Variants in BMP6 observed in about 807,000 individuals in gnomAD.
BMP6 encodes bone morphogenetic protein 6.
BMP6 carries 17 observed loss-of-function variants against 54.1 expected under a neutral mutation model. The ratio of observed to expected loss-of-function variants is 0.31; its 90% confidence interval spans 0.22 to 0.47. The LOEUF (loss-of-function observed/expected upper bound fraction) is 0.47. BMP6 is among the 20% of genes least tolerant of loss of function. The pLI is 1.00. For synonymous variants in BMP6, 328 were observed against 291.2 expected, an observed-to-expected ratio of 1.13 and a Z score of -1.28; for missense variants, 720 against 690.4, an observed-to-expected ratio of 1.04 and a Z score of -0.48.
At chr6:7,754,721 G>GTTGT (rs369430713) in intron 1 of BMP6, among the ~76,000 whole-genome samples, 2 of 151,998 alleles carry the variant, frequency 1.3e-5, no homozygotes, top group Non-Finnish European at 2.9e-5. Flanking sequence ...TTTTGTTGTT[G>GTTGT]TTGTTTGTTT....
intron 1 of BMP6, among the ~76,000 whole-genome samples, chr6:7,790,998 C>T (rs1449870792): frequency 6.6e-6 from 1 of 151,868 alleles, no homozygotes; most frequent in African/African-American, 2.4e-5. Flanking sequence ...AGAAACCTCC[C>T]TTGGCCCCTT....
chr6:7,792,146 G>T (rs1341449306), intron 1 of BMP6, among the ~76,000 whole-genome samples: 1 of 152,188 alleles, frequency 6.6e-6, no homozygotes, highest in African/African-American at 2.4e-5. Context: ...CAGGCGGGAG[G>T]TGATGCCAAA....
chr6:7,855,553 CTTTT>C (rs778898901), intron 2 of BMP6, among the ~76,000 whole-genome samples: 32 of 105,038 alleles, frequency 3.0e-4, no homozygotes, highest in Non-Finnish European at 9.4e-5. Flanking sequence ...CTCTCTCTCT[CTTTT>C]TTTTTTTTTT....
intron 4 of BMP6, among the ~76,000 whole-genome samples, chr6:7,875,632 T>TACA (rs1759604215): frequency 6.6e-6 from 1 of 152,202 alleles, no homozygotes; most frequent in Non-Finnish European, 1.5e-5. Context: ...TGTGCCACTG[T>TACA]GCTCCAGCTT....
intron 1 of BMP6, among the ~76,000 whole-genome samples, chr6:7,759,911 C>G (rs1757586037): frequency 6.6e-6 from 1 of 151,598 alleles, no homozygotes; most frequent in Non-Finnish European, 1.5e-5. Flanking sequence ...ACCACATTGG[C>G]CAGGCTAGTC....
intron 1 of BMP6, among the ~76,000 whole-genome samples, chr6:7,735,163 C>T (rs1761934005): frequency 6.6e-6 from 1 of 152,246 alleles, no homozygotes; most frequent in Non-Finnish European, 1.5e-5. Context: ...CCGATATCCG[C>T]CACGGGCCTT....
At chr6:7,876,806 C>T (rs1423965294) in intron 4 of BMP6, among the ~76,000 whole-genome samples, 1 of 151,974 alleles carries the variant, frequency 6.6e-6, no homozygotes, top group African/African-American at 2.4e-5. Context: ...GTTCTTTTTT[C>T]ATGTTTTTTC....
chr6:7,876,807 A>G (rs1258722988), intron 4 of BMP6, among the ~76,000 whole-genome samples: 2 of 151,316 alleles, frequency 1.3e-5, no homozygotes, highest in Non-Finnish European at 3.0e-5. Flanking sequence ...TTCTTTTTTC[A>G]TGTTTTTTCC....
chr6:7,852,080 T>C (rs1218605472), intron 2 of BMP6, among the ~76,000 whole-genome samples: 1 of 152,228 alleles, frequency 6.6e-6, no homozygotes, highest in Non-Finnish European at 1.5e-5. Context: ...TTTCTATTTA[T>C]GAAATTCTGG....
chr6:7,762,985 T>C (rs1209976200), intron 1 of BMP6, among the ~76,000 whole-genome samples: 1 of 152,200 alleles, frequency 6.6e-6, no homozygotes, highest in Non-Finnish European at 1.5e-5. Context: ...CCACAGCCCA[T>C]AAAACATGGC....
intron 1 of BMP6, among the ~76,000 whole-genome samples, chr6:7,801,626 G>A (rs1164295998): frequency 1.3e-5 from 2 of 152,226 alleles, no homozygotes; most frequent in East Asian, 1.9e-4. Flanking sequence ...AGATAATAGA[G>A]TAGTGTCAGA....
intron 1 of BMP6, among the ~76,000 whole-genome samples, chr6:7,842,448 G>A (rs991327501): frequency 3.3e-5 from 5 of 151,812 alleles, no homozygotes; most frequent in Non-Finnish European, 7.4e-5. Context: ...TACATGGCTA[G>A]CTTGGGCTTC....
chr6:7,811,272 G>A (rs1758431783), intron 1 of BMP6, among the ~76,000 whole-genome samples: 1 of 152,150 alleles, frequency 6.6e-6, no homozygotes, highest in South Asian at 2.1e-4. Context: ...GAACAGAGCT[G>A]CTCCCCCAGG....
At chr6:7,746,128 T>C (rs1258540838) in intron 1 of BMP6, among the ~76,000 whole-genome samples, 3 of 152,046 alleles carry the variant, frequency 2.0e-5, no homozygotes, top group African/African-American at 7.2e-5. Flanking sequence ...TCAGGGGCAG[T>C]GTTGATTCGA....
chr6:7,864,890 C>T (rs1031582678), intron 4 of BMP6, among the ~76,000 whole-genome samples: 7 of 152,134 alleles, frequency 4.6e-5, no homozygotes, highest in Non-Finnish European at 2.9e-5. Context: ...TGTTTTCCTT[C>T]GGGCTATGAT....
chr6:7,761,046 C>G (rs1400912033), intron 1 of BMP6, among the ~76,000 whole-genome samples: 1 of 152,232 alleles, frequency 6.6e-6, no homozygotes, highest in Non-Finnish European at 1.5e-5. Flanking sequence ...GTCAGTTTGG[C>G]CTTTGCCTTA....
chr6:7,756,339 T>A lies in BMP6; in HGVS notation c.664+28720T>A, dbSNP rs757717238. 8.3e-4 allele frequency among the ~76,000 whole-genome samples: 126 copies of A among 152,206 alleles called. 2 individuals are homozygous for A. The highest frequency in any genetic ancestry group is 2.2e-4 in the Non-Finnish European group (15 of 68,036). On this transcript the variant is annotated intron_variant, in intron 1 of 6. Coordinates refer to ENST00000283147, the MANE Select transcript of BMP6 (RefSeq NM_001718.6). ...ATTTTTCATTTGACTAAAAGTTTCA[T>A]TTACTTATTTTGTGTGTCTTTCATG... is the stretch of plus-strand genomic sequence containing the variant.
chr6:7,825,714 C>A (rs1187509126), intron 1 of BMP6, among the ~76,000 whole-genome samples: 1 of 149,552 alleles, frequency 6.7e-6, no homozygotes, highest in Non-Finnish European at 1.5e-5. Flanking sequence ...GAGTGAAAGT[C>A]CATCTCGAAA....
In BMP6 at chr6:7,726,559, G is replaced by A. The variant is rs1245473590; in HGVS notation, c.-397G>A. ...CCCCGGGTCCCACTCAGTCGCCAGG[G>A]AGAGCGCGGGGCAGCGCACGTGTGC... On this transcript the variant is annotated 5_prime_UTR_variant, in exon 1 of 7. Transcript: ENST00000283147. 2.0e-5 allele frequency among the ~76,000 whole-genome samples: 3 copies of A among 152,166 alleles called. No individual in the cohort carries two copies. The highest frequency in any genetic ancestry group is 7.2e-5 in the African/African-American group (3 of 41,454).
Sources: allele counts gnomAD v4.1 joint callset (sites outside exome capture counted in the v4.1 genomes callset), GRCh38; gene constraint gnomAD v4.1.1; transcripts MANE v1.5; gene names NCBI Gene and HGNC (gene_info 2026-07-23, HGNC 2026-07-21).